The following MOB3B variants were observed in gnomAD, a reference collection of about 807,000 sequenced individuals.
MOB3B encodes the protein MOB kinase activator 3B, also known as MOB kinase activator-like 2B.
A neutral mutation model predicts 18.7 loss-of-function variants in MOB3B; 7 were observed. That is an observed-to-expected ratio of 0.37 (90% confidence interval 0.21 to 0.70). The LOEUF (loss-of-function observed/expected upper bound fraction) is 0.70. Among genes scored for constraint, MOB3B ranks in the 30% least tolerant of loss-of-function variants. The pLI is 0.52. For missense variants in MOB3B, 253 were observed against 281.3 expected (o/e 0.90, Z 0.72); for synonymous variants, 111 against 99.9 (o/e 1.11, Z -0.66).
intron 1 of MOB3B, among the ~76,000 whole-genome samples, chr9:27,457,426 C>T (rs1202329636): frequency 6.6e-6 from 1 of 152,134 alleles, no homozygotes; most frequent in Non-Finnish European, 1.5e-5. Context: ...CTGTTTTTTC[C>T]CTGCCTGTAA....
At chr9:27,407,862 GT>G (rs1051689270) in intron 2 of MOB3B, among the ~76,000 whole-genome samples, 4 of 152,102 alleles carry the variant, frequency 2.6e-5, no homozygotes, top group Non-Finnish European at 5.9e-5. Flanking sequence ...CTTTCCTTCA[GT>G]TTTTTCCCCC....
At chr9:27,341,833 A>G (rs1335380843) in intron 3 of MOB3B, among the ~76,000 whole-genome samples, 1 of 152,176 alleles carries the variant, frequency 6.6e-6, no homozygotes, top group Non-Finnish European at 1.5e-5. Context: ...CCAGGATATC[A>G]TTTGGATCTT....
chr9:27,519,846 C>T (rs1052160692), intron 1 of MOB3B, among the ~76,000 whole-genome samples: 8 of 151,832 alleles, frequency 5.3e-5, no homozygotes, highest in Middle Eastern at 3.4e-3. Flanking sequence ...AGGCTGACCC[C>T]AATGCTGAGG....
intron 2 of MOB3B, among the ~76,000 whole-genome samples, chr9:27,396,248 T>C (rs1199720757): frequency 6.6e-6 from 1 of 152,234 alleles, no homozygotes; most frequent in African/African-American, 2.4e-5. Flanking sequence ...ATTTTCTTGT[T>C]CAAGAAATAT....
chr9:27,400,625 TG>T (rs1398818845), intron 2 of MOB3B, among the ~76,000 whole-genome samples: 1 of 152,260 alleles, frequency 6.6e-6, no homozygotes, highest in African/African-American at 2.4e-5. Context: ...GTGATTTATT[TG>T]TCTAGACTGT....
At chr9:27,423,309 T>C (rs1238684308) in intron 2 of MOB3B, among the ~76,000 whole-genome samples, 1 of 152,100 alleles carries the variant, frequency 6.6e-6, no homozygotes, top group African/African-American at 2.4e-5. Flanking sequence ...TAAATATTAA[T>C]ATTATTATTG....
chr9:27,481,265 C>T (rs1196932842), intron 1 of MOB3B, among the ~76,000 whole-genome samples: 2 of 152,110 alleles, frequency 1.3e-5, no homozygotes, highest in Non-Finnish European at 2.9e-5. Flanking sequence ...TAAAATATAT[C>T]GGTACAGTTA....
chr9:27,396,503 T>C (rs1821802028), intron 2 of MOB3B, among the ~76,000 whole-genome samples: 1 of 152,214 alleles, frequency 6.6e-6, no homozygotes, highest in South Asian at 2.1e-4. Flanking sequence ...TCAGTTTCTG[T>C]TGCTTGCAAC....
At chr9:27,493,661 A>T (rs145942511) in intron 1 of MOB3B, among the ~76,000 whole-genome samples, 29 of 152,032 alleles carry the variant, frequency 1.9e-4, no homozygotes, top group African/African-American at 6.7e-4. Flanking sequence ...AATTTCATGG[A>T]CACTTGTCAC....
At chr9:27,338,477 GAAGGTGAGTGTCTGACTTC>G (rs1820895230) in intron 3 of MOB3B, among the ~76,000 whole-genome samples, 1 of 152,162 alleles carries the variant, frequency 6.6e-6, no homozygotes, top group African/African-American at 2.4e-5. Context: ...GTTCTGCTTT[GAAGGTGAGTGTCTGACTTC>G]AAGGAAGACC....
chr9:27,493,817 A>T (rs1442720715), intron 1 of MOB3B, among the ~76,000 whole-genome samples: 1 of 152,190 alleles, frequency 6.6e-6, no homozygotes, highest in Non-Finnish European at 1.5e-5. Flanking sequence ...TGTTTGAGCA[A>T]TACGAAATCT....
rs1419272070 is a variant in MOB3B at position 27,340,030 on chromosome 9, T to C, written c.622-9414A>G. 3.3e-5 allele frequency among the ~76,000 whole-genome samples: 5 copies of C among 152,262 alleles called. No individual in the cohort carries two copies. The East Asian group carries it at 9.6e-4, about 29-fold the overall frequency. On this transcript the variant is annotated intron_variant, in intron 3 of 3. Coordinates refer to ENST00000262244, the MANE Select transcript of MOB3B (RefSeq NM_024761.5). ...ACACAGGAATTAGAAATGTTCTTTC[T>C]GCTCTCTTTTAGGAATGTGGGTGGC...
chr9:27,495,820 C>T (rs112365044), intron 1 of MOB3B, among the ~76,000 whole-genome samples: 1 of 152,152 alleles, frequency 6.6e-6, no homozygotes, highest in Non-Finnish European at 1.5e-5. Flanking sequence ...AAAGATTAAT[C>T]CTGGACATTC....
intron 3 of MOB3B, among the ~76,000 whole-genome samples, chr9:27,335,428 G>A (rs148157353): frequency 0.024 from 3,624 of 152,268 alleles, 52 homozygotes; most frequent in Non-Finnish European, 0.036. Flanking sequence ...ACATTGATTC[G>A]AAAGAGGCAA....
intron 1 of MOB3B, among the ~76,000 whole-genome samples, chr9:27,456,206 C>T (rs1283773758): frequency 6.6e-6 from 1 of 152,164 alleles, no homozygotes; most frequent in East Asian, 1.9e-4. Flanking sequence ...ATAAGAATGT[C>T]TCTCCTGGGA....
intron 2 of MOB3B, among the ~76,000 whole-genome samples, chr9:27,382,365 C>T (rs1015518840): frequency 1.3e-5 from 2 of 152,150 alleles, no homozygotes; most frequent in African/African-American, 4.8e-5. Context: ...GCCCCAGGTT[C>T]CCCTTAACAC....
rs113574862 is a variant in MOB3B, at chr9:27,411,596, T to C, written c.418+43537A>G. Among the ~76,000 whole-genome samples, 571 of 152,310 alleles carry C rather than the reference T, an allele frequency of 3.7e-3. 3 individuals carry two copies. Among genetic ancestry groups the C allele is most frequent in the African/African-American group, 0.013 (551 of 41,568 alleles). The stretch of plus-strand genomic sequence containing the variant: ...AAATTTGAGGCACTACCACGTCTTC[T>C]AAATGAACTGACAGAAGAAGTCTTG... On this transcript the variant is annotated intron_variant, in intron 2 of 3. Coordinates refer to ENST00000262244, the MANE Select transcript of MOB3B (RefSeq NM_024761.5).
chr9:27,371,779 GC>G (rs1379948870), intron 2 of MOB3B, among the ~76,000 whole-genome samples: 1 of 152,034 alleles, frequency 6.6e-6, no homozygotes, highest in Non-Finnish European at 1.5e-5. Context: ...TTGTTGGCCA[GC>G]AGGAATATAG....
Position 27,455,401 on chromosome 9 carries a change from C to A in MOB3B, c.150G>T (p.Leu50Phe). Reference sequence around the variant, plus strand: ...AGTCATTCTGGTCCTCCCCACTGGGCAACTGCACAGCCGCCTTCAGGTCCA... The same window carrying A: ...AGTCATTCTGGTCCTCCCCACTGGGAAACTGCACAGCCGCCTTCAGGTCCA... The part of the protein sequence containing the change: ...SGVDLKAAVQ[L>F]PSGEDQNDWV... Residue 50 changes from leucine (L) to phenylalanine (F), a missense_variant, in exon 2 of 4, where the codon TTG becomes TTT. Physicochemically the swap from Leu to Phe is conservative, Grantham distance 22. Coordinates refer to ENST00000262244, the MANE Select transcript of MOB3B (RefSeq NM_024761.5). 3 of 1,614,192 alleles carry A rather than the reference C, an allele frequency of 1.9e-6. No homozygotes were observed. Among genetic ancestry groups the A allele is most frequent in the Non-Finnish European group, 2.5e-6 (3 of 1,180,038 alleles).
Sources: gnomAD v4.1 joint callset for allele counts (sites outside exome capture counted in the v4.1 genomes callset) on GRCh38, gnomAD v4.1.1 for gene constraint, MANE v1.5 for transcripts, NCBI Gene and HGNC (gene_info 2026-07-23, HGNC 2026-07-21) for gene names.